LAMP2: variants seen among roughly 807,000 people sequenced by gnomAD.
The protein encoded by LAMP2 is lysosome-associated membrane glycoprotein 2.
A neutral mutation model predicts 25.6 loss-of-function variants in LAMP2; 4 were observed. The ratio of observed to expected loss-of-function variants is 0.16; its 90% CI spans 0.08 to 0.36. LAMP2 has a LOEUF of 0.36. Ranked by LOEUF, LAMP2 falls within the 10% of genes least tolerant of loss-of-function variation. The probability of loss-of-function intolerance (pLI) is 1.00; values close to 1 mark genes in which losing one functional copy is unlikely to be tolerated. For missense variants in LAMP2, 272 were observed against 301.4 expected (o/e 0.90, Z 0.72); for synonymous variants, 108 against 112.7 (o/e 0.96, Z 0.27).
intron 3 of LAMP2, 22 bp downstream of exon 3, chrX:120,455,335 A>C (rs769273354): frequency 8.9e-7 from 1 of 1,119,679 alleles, no homozygotes; most frequent in South Asian, 1.8e-5. Flanking sequence ...AGAACATAAC[A>C]CAAATCCATT....
At chrX:120,456,407 T>G (rs1921093963) in intron 2 of LAMP2, among the ~76,000 whole-genome samples, 1 of 111,072 alleles carries the variant, frequency 9.0e-6, no homozygotes, top group South Asian at 3.8e-4. Context: ...CACCATATAG[T>G]CGTCTTCAGA....
chrX:120,455,423 T>C lies in LAMP2; in HGVS notation c.331A>G (p.Ile111Val), dbSNP rs762218821. 8 of 1,208,543 alleles carry C rather than the reference T, an allele frequency of 6.6e-6. No homozygotes were observed. The highest frequency in any genetic ancestry group is 6.7e-6 in the Non-Finnish European group (6 of 894,385). Residue 111 changes from isoleucine to valine, a missense_variant, in exon 3 of 9, where the codon ATT (isoleucine) becomes GTT (valine). Transcript: ENST00000200639. ...NFTKAASTYS[I>V]DSVSFSYNTG... ...TTGTAGGAAAATGAGACGCTGTCAA[T>C]TGAATAAGTAGATGCTGCCTTGGTA...
chrX:120,464,987 C>T (rs1921474111), intron 1 of LAMP2, among the ~76,000 whole-genome samples: 1 of 111,608 alleles, frequency 9.0e-6, no homozygotes, highest in African/African-American at 3.3e-5. Context: ...AGGTGATTTG[C>T]CCACCTTGAC....
chrX:120,428,552 T>C lies in LAMP2; in HGVS notation c.*2771A>G, dbSNP rs747304113. 54 of 1,199,452 alleles carry C rather than the reference T, an allele frequency of 4.5e-5. No homozygotes were observed. Among genetic ancestry groups the C allele is most frequent in the Non-Finnish European group, 5.5e-5 (49 of 890,724 alleles). On this transcript the variant is annotated 3_prime_UTR_variant, in exon 9 of 9. Coordinates refer to ENST00000200639, the MANE Select transcript of LAMP2 (RefSeq NM_002294.3). ...ATATAAGAGATAAAGACAACAATTA[T>C]AAGGAAGCCCAAGGCCACACCCACT... is the stretch of plus-strand genomic sequence containing the variant.
intron 1 of LAMP2, among the ~76,000 whole-genome samples, 196 bp from the exon 2 acceptor site, chrX:120,456,965 C>T (rs1921124036): frequency 1.8e-5 from 2 of 110,365 alleles, no homozygotes; most frequent in Non-Finnish European, 3.8e-5. Flanking sequence ...CAGTATCCTG[C>T]TGACTGTTTT....
At chrX:120,457,579 C>G (rs1023657083) in intron 1 of LAMP2, among the ~76,000 whole-genome samples, 6 of 112,337 alleles carry the variant, frequency 5.3e-5, no homozygotes, top group African/African-American at 1.9e-4. Context: ...AGAAATGTTA[C>G]AGAGACAGAA....
chrX:120,439,423 A>G (rs763043493), intron 8 of LAMP2: 2 of 580,136 alleles, frequency 3.4e-6, no homozygotes, highest in Non-Finnish European at 5.8e-6. Context: ...AGACAGGTAT[A>G]TTTTTATGAT....
intron 6 of LAMP2, among the ~76,000 whole-genome samples, chrX:120,444,762 C>T (rs897842123): frequency 8.9e-6 from 1 of 111,948 alleles, no homozygotes; most frequent in Non-Finnish European, 1.9e-5. Flanking sequence ...AAACTGTGGG[C>T]ACTTTAAGAA....
In LAMP2 at chrX:120,430,877, A is replaced by G. The variant is rs1426913848; in HGVS notation, c.*446T>C. 9.3e-6 allele frequency: 7 copies of G among 756,087 alleles called. No individual in the cohort carries two copies. Among genetic ancestry groups the G allele is most frequent in the Non-Finnish European group, 1.1e-5 (7 of 637,833 alleles). 62.3% of individuals were successfully genotyped at this position (756,087 alleles called of 1,213,427 possible). A position where few individuals can be genotyped will look rare whatever the true frequency, so the allele number is the denominator to read the frequency against. ...CATCAATATTTATTTAATGAACTTT[A>G]TGCAAAGGCACATTGATGAGTTTAA... is the stretch of plus-strand genomic sequence containing the variant. On this transcript the variant is annotated 3_prime_UTR_variant, in exon 9 of 9. Coordinates refer to ENST00000200639, the MANE Select transcript of LAMP2 (RefSeq NM_002294.3).
intron 1 of LAMP2, among the ~76,000 whole-genome samples, chrX:120,468,004 A>C (rs867471762): frequency 1.2e-4 from 13 of 110,075 alleles, no homozygotes; most frequent in African/African-American, 4.3e-4. Context: ...CTCAGGTGAT[A>C]CACCCACCTC....
At chrX:120,438,004 C>T in intron 8 of LAMP2, 5 of 214,234 alleles carry the variant, frequency 2.3e-5, no homozygotes, top group Non-Finnish European at 3.4e-5. Context: ...TACAGGCGCC[C>T]ACCACCACGC....
rs1257675921 is a variant in LAMP2, at chrX:120,455,349, A to T, written c.397+8T>A. ...GAGAACATAACACAAATCCATTCTT[A>T]AGGTTACCTTTATCTTCAGCATCAG... On this transcript the variant is annotated splice_region_variant and intron_variant, in intron 3 of 8. Coordinates refer to ENST00000200639, the MANE Select transcript of LAMP2 (RefSeq NM_002294.3). The T allele has an allele frequency of 6.0e-6, 7 of 1,165,408 alleles. No individual in the cohort carries two copies. The highest frequency in any genetic ancestry group is 8.2e-6 in the Non-Finnish European group (7 of 853,520).
In LAMP2 at chrX:120,428,604, A is replaced by T; in HGVS notation, c.*2719T>A. On this transcript the variant is annotated 3_prime_UTR_variant, in exon 9 of 9. Coordinates refer to ENST00000200639, the MANE Select transcript of LAMP2 (RefSeq NM_002294.3). ...CAACAGGAATAAGAAAGTTGAGGTC[A>T]GAGTCAGCAGAACATTCTTCAGCTG... The T allele has an allele frequency of 8.4e-7, 1 of 1,191,282 alleles. No individual in the cohort carries two copies.
intron 1 of LAMP2, 119 bp downstream of exon 1, chrX:120,468,987 A>G: frequency 1.2e-6 from 1 of 818,247 alleles, no homozygotes. Flanking sequence ...GCCGCCGCCC[A>G]GTGTTAGCTG....
chrX:120,463,385 G>GCC (rs1921399453), intron 1 of LAMP2, among the ~76,000 whole-genome samples: 1 of 112,035 alleles, frequency 8.9e-6, no homozygotes, highest in African/African-American at 3.2e-5. Flanking sequence ...AGTGGGTAAG[G>GCC]AAACAAGATT....
In LAMP2 at chrX:120,429,360, T is replaced by C. The variant is rs2058513572; in HGVS notation, c.*1963A>G. On this transcript the variant is annotated 3_prime_UTR_variant, in exon 9 of 9. Transcript: ENST00000200639. The stretch of plus-strand genomic sequence containing the variant: ...CCTTCCAGTACTAGCCAAAGGACCT[T>C]GGGCAAGTTATTTAAACTGGGCCTC... 3.2e-6 allele frequency: 2 copies of C among 633,733 alleles called. No homozygotes were observed. Among genetic ancestry groups the C allele is most frequent in the Admixed American group, 9.2e-5 (1 of 10,868 alleles). The allele number at this position is 633,733 out of a possible 1,213,427, so 52.2% of individuals were successfully genotyped here.
intron 1 of LAMP2, among the ~76,000 whole-genome samples, chrX:120,463,435 A>C (rs1472462789): frequency 8.9e-6 from 1 of 112,376 alleles, no homozygotes; most frequent in Non-Finnish European, 1.9e-5. Context: ...ATTGTTGAGC[A>C]GTGTTTGGCA....
intron 6 of LAMP2, among the ~76,000 whole-genome samples, chrX:120,444,020 G>A (rs1343846472): frequency 9.5e-6 from 1 of 105,593 alleles, no homozygotes; most frequent in Non-Finnish European, 2.0e-5. Flanking sequence ...AAGAAGGAAG[G>A]AAGGAAGGAA....
intron 8 of LAMP2, among the ~76,000 whole-genome samples, chrX:120,440,516 C>G (rs1231801613): frequency 8.9e-6 from 1 of 112,108 alleles, no homozygotes; most frequent in Non-Finnish European, 1.9e-5. Flanking sequence ...TGCTGTATAT[C>G]TCTTTGGGTG....
Sources: gnomAD v4.1 joint callset for allele counts (sites outside exome capture counted in the v4.1 genomes callset) on GRCh38, gnomAD v4.1.1 for gene constraint, MANE v1.5 for transcripts, NCBI Gene and HGNC (gene_info 2026-07-23, HGNC 2026-07-21) for gene names.